Variants in TAF10 observed in about 807,000 individuals in gnomAD.
The protein encoded by TAF10 is TATA-box binding protein associated factor 10, also known as transcription initiation factor TFIID subunit 10.
Under a neutral mutation model 18.1 loss-of-function variants are expected in TAF10, and 2 were observed. The observed-to-expected ratio is 0.11, with a 90% CI of 0.05 to 0.35. The LOEUF (loss-of-function observed/expected upper bound fraction) is 0.35, where lower values mean the gene tolerates loss of function less well. Among genes scored for constraint, TAF10 ranks in the 10% least tolerant of loss-of-function variants. TAF10 has a pLI of 1.00. For synonymous variants in TAF10, 158 were observed against 134.6 expected, an observed-to-expected ratio of 1.17 and a Z score of -1.20; for missense variants, 293 against 306.9, an observed-to-expected ratio of 0.95 and a Z score of 0.34.
In TAF10 at chr11:6,610,750, C is replaced by G; in HGVS notation, c.*172G>C. On this transcript the variant is annotated 3_prime_UTR_variant, in exon 5 of 5. Coordinates refer to ENST00000299424, the MANE Select transcript of TAF10 (RefSeq NM_006284.4). ...CCCAGCCATGGGGTCCATCCCCTTC[C>G]CCCATCCCTACCACTGTGGCCCCAA... 1 of 1,342,990 alleles carries G rather than the reference C, an allele frequency of 7.4e-7. No individual in the cohort carries two copies. The highest frequency in any genetic ancestry group is 2.4e-5 in the East Asian group (1 of 42,212). The allele number at this position is 1,342,990 out of a possible 1,614,324, so 83.2% of individuals were successfully genotyped here.
In TAF10 at chr11:6,608,285, G is replaced by A. The variant is rs1192078586; in HGVS notation, c.*2637C>T. ...TCAGTCACAGGCACTGTAACATACA[G>A]TAGAAAGCATGTGTGCTCTTCCCCC... On this transcript the variant is annotated 3_prime_UTR_variant, in exon 5 of 5. Coordinates refer to ENST00000299424, the MANE Select transcript of TAF10 (RefSeq NM_006284.4). This position sits in a 1 kb window ranked among gnomAD's most constrained non-coding sequence, Gnocchi z 4.9. 13 of 1,582,978 alleles carry A rather than the reference G, an allele frequency of 8.2e-6. No individual in the cohort carries two copies. In the African/African-American group the frequency reaches 1.5e-4, roughly 18 times the overall value.
chr11:6,608,071 C>T lies in TAF10; in HGVS notation c.*2851G>A. The stretch of plus-strand genomic sequence containing the variant: ...GGACGATCATGGCTTCTCCCCCTTG[C>T]ACTGGGCCTGCCGAGAGGGCCGCTC... On this transcript the variant is annotated 3_prime_UTR_variant, in exon 5 of 5. Transcript: ENST00000299424. The surrounding 1 kb of genome is among the most constrained non-coding windows in gnomAD (Gnocchi z 4.9). The T allele has an allele frequency of 6.2e-7, 1 of 1,614,108 alleles. No individual in the cohort carries two copies.
rs1233858311 is a variant in TAF10 at position 6,607,090 on chromosome 11, ACACAGGAAGTGAC to A, written c.*3819_*3831del. 6.6e-6 allele frequency: 1 copy of A among 152,414 alleles called. No homozygotes were observed. Among genetic ancestry groups the A allele is most frequent in the African/African-American group, 2.4e-5 (1 of 41,454 alleles). 9.4% of individuals were successfully genotyped at this position (152,414 alleles called of 1,614,324 possible). ...AGCTCCAGGCCTTGCCTAGAGTCGC[ACACAGGAAGTGAC>A]CACAACACTAAGGCATCCGGAGGCT... On this transcript the variant is annotated 3_prime_UTR_variant, in exon 5 of 5. Transcript: ENST00000299424.
Position 6,609,179 on chromosome 11 carries a change from T to C in TAF10, c.*1743A>G, listed in dbSNP as rs11826498. 376,277 of 1,606,824 alleles carry C rather than the reference T, an allele frequency of 0.23. 46,881 individuals carry two copies. The highest frequency in any genetic ancestry group is 0.26 in the Non-Finnish European group (302,493 of 1,173,506). On this transcript the variant is annotated 3_prime_UTR_variant, in exon 5 of 5. Coordinates refer to ENST00000299424, the MANE Select transcript of TAF10 (RefSeq NM_006284.4). ...GAGGTGACCCCTGCCCTTCTTGCCCTTCCCTCACTAAACCCCCATAAATTA... is the reference window on the plus strand; with the variant it reads ...GAGGTGACCCCTGCCCTTCTTGCCCCTCCCTCACTAAACCCCCATAAATTA...
intron 2 of TAF10, 73 bp downstream of exon 2, chr11:6,611,591 G>C (rs1855462189): frequency 3.2e-6 from 5 of 1,586,792 alleles, no homozygotes; most frequent in East Asian, 2.2e-5. Context: ...AAATGGAAGA[G>C]AACGCTGAAA....
chr11:6,608,508 A>T lies in TAF10; in HGVS notation c.*2414T>A, dbSNP rs183392482. The T allele has an allele frequency of 3.2e-5, 50 of 1,586,022 alleles. No individual in the cohort carries two copies. In the African/African-American group the frequency reaches 6.3e-4, roughly 20 times the overall value. The stretch of plus-strand genomic sequence containing the variant: ...GGCAGAGGTGAGTACTCAGCCCTTA[A>T]TTCCTGAGATGGGTAGGAAGTAAAG... On this transcript the variant is annotated 3_prime_UTR_variant, in exon 5 of 5. Transcript: ENST00000299424. This position sits in a 1 kb window ranked among gnomAD's most constrained non-coding sequence, Gnocchi z 4.9.
chr11:6,610,764 C>A lies in TAF10; in HGVS notation c.*158G>T. 7.5e-7 allele frequency: 1 copy of A among 1,328,686 alleles called. No homozygotes were observed. Among genetic ancestry groups the A allele is most frequent in the Admixed American group, 1.9e-5 (1 of 52,668 alleles). 82.3% of individuals were successfully genotyped at this position (1,328,686 alleles called of 1,614,324 possible). A position where few individuals can be genotyped will look rare whatever the true frequency, so the allele number is the denominator to read the frequency against. On this transcript the variant is annotated 3_prime_UTR_variant, in exon 5 of 5. Transcript: ENST00000299424. ...CCATCCCCTTCCCCCATCCCTACCA[C>A]TGTGGCCCCAAGAGGGGCGGGCTCA...
In TAF10 at chr11:6,612,066, T is replaced by C. The variant is rs1349210637; in HGVS notation, c.124A>G (p.Lys42Glu). Residue 42 changes from lysine (K) to glutamate (E), a missense_variant, in exon 1 of 5, where the codon AAG (lysine) becomes GAG (glutamate). By Grantham distance (56) the Lys-to-Glu change is moderately conservative. Coordinates refer to ENST00000299424, the MANE Select transcript of TAF10 (RefSeq NM_006284.4). ...CCCGCTGTCCCCGCGGGGCTGGCCTTGTTCTCCGCGGCGGTGCTGGAGGGC... is the reference window on the plus strand; with the variant it reads ...CCCGCTGTCCCCGCGGGGCTGGCCTCGTTCTCCGCGGCGGTGCTGGAGGGC... ...ALPSSTAAEN[K>E]ASPAGTAGGP... 2 of 1,406,204 alleles carry C rather than the reference T, an allele frequency of 1.4e-6. No homozygotes were observed. The highest frequency in any genetic ancestry group is 2.9e-5 in the East Asian group (1 of 34,372). 87.1% of individuals were successfully genotyped at this position (1,406,204 alleles called of 1,614,324 possible).
Position 6,608,878 on chromosome 11 carries a change from C to T in TAF10, c.*2044G>A. ...TACCACAGCTTAGGTTGTTTTTCTT[C>T]CCTAGAGCGGGCAGAGAAGATGGGC... On this transcript the variant is annotated 3_prime_UTR_variant, in exon 5 of 5. Transcript: ENST00000299424. This position sits in a 1 kb window ranked among gnomAD's most constrained non-coding sequence, Gnocchi z 4.9. 1 of 1,614,204 alleles carries T rather than the reference C, an allele frequency of 6.2e-7. No homozygotes were observed. Among genetic ancestry groups the T allele is most frequent in the South Asian group, 1.1e-5 (1 of 91,084 alleles).
In TAF10 at chr11:6,608,711, G is replaced by T; in HGVS notation, c.*2211C>A. The T allele has an allele frequency of 6.2e-7, 1 of 1,613,988 alleles. No homozygotes were observed. The highest frequency in any genetic ancestry group is 1.3e-5 in the African/African-American group (1 of 75,038). On this transcript the variant is annotated 3_prime_UTR_variant, in exon 5 of 5. Transcript: ENST00000299424. This position sits in a 1 kb window ranked among gnomAD's most constrained non-coding sequence, Gnocchi z 4.9. Reference sequence around the variant, plus strand: ...CATTCCAGGACCTGGTGGCAAATGGGGCCCTTGTCAGCATCTGTAACAAGT... The same window carrying T: ...CATTCCAGGACCTGGTGGCAAATGGTGCCCTTGTCAGCATCTGTAACAAGT...
chr11:6,610,470 G>A lies in TAF10; in HGVS notation c.*452C>T, dbSNP rs1417284080. 1.2e-6 allele frequency: 2 copies of A among 1,614,208 alleles called. No homozygotes were observed. The highest frequency in any genetic ancestry group is 1.1e-5 in the South Asian group (1 of 91,080). On this transcript the variant is annotated 3_prime_UTR_variant, in exon 5 of 5. Coordinates refer to ENST00000299424, the MANE Select transcript of TAF10 (RefSeq NM_006284.4). ...TTTTCTTGTATTCGCAGGTGGCATT[G>A]GAAGGCCTTCGGCCTACCATCCCAC...
rs780599632 is a variant in TAF10 at position 6,611,775 on chromosome 11, T to C, written c.276A>G (p.Ile92Met). ...AGGAAPPEGA[I>M]SNGVYVLPSA... ...TCGGCAGTACGTAAACCCCGTTAGA[T>C]ATGGCCCCCTCCGGGGGCGCCGCGC... Residue 92 changes from isoleucine to methionine, a missense_variant, in exon 2 of 5, where the codon ATA (isoleucine) becomes ATG (methionine). Ile to Met is a conservative substitution (Grantham distance 10, BLOSUM62 1). Transcript: ENST00000299424. The C allele has an allele frequency of 2.1e-5, 34 of 1,607,196 alleles. No individual in the cohort carries two copies. Among genetic ancestry groups the C allele is most frequent in the Non-Finnish European group, 2.6e-5 (31 of 1,176,588 alleles).
At position 6,610,507 on chromosome 11, in the gene TAF10, C is replaced by T; in HGVS notation, c.*415G>A. On this transcript the variant is annotated 3_prime_UTR_variant, in exon 5 of 5. Coordinates refer to ENST00000299424, the MANE Select transcript of TAF10 (RefSeq NM_006284.4). Reference sequence around the variant, plus strand: ...GCCTACCATCCCACCAGGTATTTCCCCTCATGTGTGTAAGCTCATGAAGAT... The same window carrying T: ...GCCTACCATCCCACCAGGTATTTCCTCTCATGTGTGTAAGCTCATGAAGAT... The T allele has an allele frequency of 1.2e-6, 2 of 1,614,216 alleles. No individual in the cohort carries two copies. The highest frequency in any genetic ancestry group is 2.2e-5 in the South Asian group (2 of 91,088).
At position 6,609,331 on chromosome 11, in the gene TAF10, T is replaced by G; in HGVS notation, c.*1591A>C. ...AGGGCCGCTGGCAGGGCAATGACAT[T>G]GTCGTGAAGGTGCTGAAGGTTCGAG... On this transcript the variant is annotated 3_prime_UTR_variant, in exon 5 of 5. Coordinates refer to ENST00000299424, the MANE Select transcript of TAF10 (RefSeq NM_006284.4). 6.2e-7 allele frequency: 1 copy of G among 1,614,080 alleles called. No homozygotes were observed. Among genetic ancestry groups the G allele is most frequent in the Non-Finnish European group, 8.5e-7 (1 of 1,180,022 alleles).
At position 6,610,904 on chromosome 11, in the gene TAF10, A is replaced by T. The variant is rs747977667; in HGVS notation, c.*18T>A. The stretch of plus-strand genomic sequence containing the variant: ...TGTGGGGACATGGGGACAGATAAGT[A>T]CATTTAGGTTGGGTGGCTCAGGTGA... On this transcript the variant is annotated 3_prime_UTR_variant, in exon 5 of 5. Coordinates refer to ENST00000299424, the MANE Select transcript of TAF10 (RefSeq NM_006284.4). 3 of 1,613,608 alleles carry T rather than the reference A, an allele frequency of 1.9e-6. No homozygotes were observed. The South Asian group carries it at 3.3e-5, about 18-fold the overall frequency.
intron 1 of TAF10, 22 bp downstream of exon 1, chr11:6,611,936 C>G (rs1342364370): frequency 6.3e-7 from 1 of 1,575,402 alleles, no homozygotes; most frequent in East Asian, 2.3e-5. Flanking sequence ...CTTCCCTCGC[C>G]CTCACCCGTC....
At position 6,610,351 on chromosome 11, in the gene TAF10, G is replaced by A; in HGVS notation, c.*571C>T. ...GGTGAAAATAACTGTAGTGGGCCTT[G>A]GCTCCTCACATATTTGTTCGGATAT... On this transcript the variant is annotated 3_prime_UTR_variant, in exon 5 of 5. Transcript: ENST00000299424. 6.2e-7 allele frequency: 1 copy of A among 1,613,182 alleles called. No individual in the cohort carries two copies. Among genetic ancestry groups the A allele is most frequent in the East Asian group, 2.2e-5 (1 of 44,878 alleles).
intron 2 of TAF10, 47 bp downstream of exon 2, chr11:6,611,617 A>T (rs1236852067): frequency 2.5e-6 from 4 of 1,580,044 alleles, no homozygotes; most frequent in South Asian, 1.2e-5. Context: ...GATGTGGCTG[A>T]AAGTTTTGAC....
rs1331318184 is a variant in TAF10, at chr11:6,609,262, A to G, written c.*1660T>C. On this transcript the variant is annotated 3_prime_UTR_variant, in exon 5 of 5. Transcript: ENST00000299424. ...AGTTAGTGGGCAAGGAAGTGGCAGC[A>G]ACATTTCAAGCCTCCTAACCCCTAC... The G allele has an allele frequency of 6.2e-7, 1 of 1,607,072 alleles. No homozygotes were observed. Among genetic ancestry groups the G allele is most frequent in the Admixed American group, 1.7e-5 (1 of 60,022 alleles).
Sources: gnomAD v4.1 joint callset for allele counts on GRCh38, gnomAD v4.1.1 for gene constraint, Gnocchi (gnomAD v3.1) non-coding constraint, MANE v1.5 for transcripts, NCBI Gene and HGNC (gene_info 2026-07-23, HGNC 2026-07-21) for gene names.